PLA2G4C: variants seen among roughly 807,000 people sequenced by gnomAD.
The protein encoded by PLA2G4C is phospholipase A2 group IVC.
PLA2G4C carries 64 observed loss-of-function variants against 73.8 expected under a neutral mutation model. The ratio of observed to expected loss-of-function variants is 0.87; its 90% CI spans 0.71 to 1.07. The LOEUF (loss-of-function observed/expected upper bound fraction) is 1.07, where lower values mean the gene tolerates loss of function less well. PLA2G4C is among the 50% of genes least tolerant of loss of function. The pLI is 0.00. For missense variants in PLA2G4C, 622 were observed against 665.4 expected, an observed-to-expected ratio of 0.93 and a Z score of 0.72; for synonymous variants, 254 against 252.1, an observed-to-expected ratio of 1.01 and a Z score of -0.07.
chr19:48,106,262 T>G (rs998519306), intron 2 of PLA2G4C, among the ~76,000 whole-genome samples: 3 of 151,596 alleles, frequency 2.0e-5, no homozygotes, highest in Admixed American at 2.0e-4. Flanking sequence ...TTTAAAAATA[T>G]TTTCTTTTAT....
At chr19:48,061,026 C>T (rs1284899370) in intron 14 of PLA2G4C, among the ~76,000 whole-genome samples, 3 of 152,114 alleles carry the variant, frequency 2.0e-5, no homozygotes, top group South Asian at 2.1e-4. Flanking sequence ...CTGGGCAGGG[C>T]GGCTTGTGCC....
Position 48,095,499 on chromosome 19 carries a change from C to A in PLA2G4C, c.674G>T (p.Arg225Ile). 1 of 1,614,098 alleles carries A rather than the reference C, an allele frequency of 6.2e-7. No individual in the cohort carries two copies. The highest frequency in any genetic ancestry group is 1.1e-5 in the South Asian group (1 of 91,072). The change falls in exon 7 of 17, where the codon AGA becomes ATA. Residue 225 changes from arginine (R) to isoleucine (I), a missense_variant. By Grantham distance (97) the Arg-to-Ile change is moderately conservative. Transcript: ENST00000599921. ...AGTCAGGTCTCTCTCAGGGTGAGTT[C>A]TGACCAGTCTTCCCTTCTTGAATTT... ...GSKFKKGRLV[R>I]THPERDLTFL... is the part of the protein sequence containing the mutation.
At chr19:48,068,039 C>T (rs1179929741) in intron 12 of PLA2G4C, 153 bp from the exon 13 acceptor site, 1 of 644,252 alleles carries the variant, frequency 1.6e-6, no homozygotes, top group African/African-American at 1.8e-5. Context: ...CGCGTTGGCT[C>T]ACGCCAGTCA....
chr19:48,095,400 G>A, intron 7 of PLA2G4C, 64 bp downstream of exon 7: 2 of 1,519,200 alleles, frequency 1.3e-6, no homozygotes, highest in South Asian at 2.3e-5. Flanking sequence ...ACCCTCAGAA[G>A]GAAAATTCTT....
intron 12 of PLA2G4C, among the ~76,000 whole-genome samples, chr19:48,068,798 A>AG (rs766088652): frequency 1.3e-5 from 2 of 151,916 alleles, no homozygotes; most frequent in Non-Finnish European, 2.9e-5. Context: ...CACTGAGGAA[A>AG]GGCTGGGCTG....
intron 13 of PLA2G4C, chr19:48,064,877 A>G (rs1170176124): frequency 6.6e-6 from 1 of 152,226 alleles, no homozygotes; most frequent in Non-Finnish European, 1.5e-5. Context: ...AACTCACCCC[A>G]CAGACAACTT....
At chr19:48,057,483 C>CTTTTTTTT (rs1171271257) in intron 14 of PLA2G4C, among the ~76,000 whole-genome samples, 6 of 17,926 alleles carry the variant, frequency 3.3e-4, no homozygotes, top group Non-Finnish European at 5.4e-4. Flanking sequence ...TCTTCTTCTT[C>CTTTTTTTT]TTTTTTTTTT....
At chr19:48,095,194 G>A (rs1329935310) in intron 7 of PLA2G4C, among the ~76,000 whole-genome samples, 1 of 152,086 alleles carries the variant, frequency 6.6e-6, no homozygotes, top group Non-Finnish European at 1.5e-5. Context: ...CTTATTGGAA[G>A]CCACAGCCCT....
chr19:48,072,060 C>T lies in PLA2G4C; in HGVS notation c.1006+2707G>A, dbSNP rs1044157716. Among the ~76,000 whole-genome samples the T allele has an allele frequency of 8.6e-5, 13 of 151,680 alleles. No individual in the cohort carries two copies. The highest frequency in any genetic ancestry group is 4.2e-4 in the South Asian group (2 of 4,786). On this transcript the variant is annotated intron_variant, in intron 12 of 16. Transcript: ENST00000599921. This position sits in a 1 kb window ranked among gnomAD's most constrained non-coding sequence, Gnocchi z 4.4. ...ACTCGGGAGGCTGAGGCAGGAGAATCGCTTGAACCCGGGAGGCAGAGGTTG... is the reference window on the plus strand; with the variant it reads ...ACTCGGGAGGCTGAGGCAGGAGAATTGCTTGAACCCGGGAGGCAGAGGTTG...
chr19:48,095,628 G>A (rs1258061928), intron 6 of PLA2G4C, 24 bp from the exon 7 acceptor site: 11 of 1,613,108 alleles, frequency 6.8e-6, no homozygotes, highest in South Asian at 1.1e-5. Context: ...ACAACGGCAA[G>A]TGAGTCCCAG....
chr19:48,076,733 ACT>A (rs112685081), intron 11 of PLA2G4C, among the ~76,000 whole-genome samples: 2,961 of 149,606 alleles, frequency 0.02, 98 homozygotes, highest in African/African-American at 0.068. Context: ...ACACGGCTAG[ACT>A]CTGTCTCCAA....
chr19:48,100,629 G>C (rs1026439747), intron 4 of PLA2G4C, among the ~76,000 whole-genome samples: 9 of 75,710 alleles, frequency 1.2e-4, no homozygotes, highest in African/African-American at 2.3e-4. Context: ...AAAAAAAAAA[G>C]CTGGGCGTGG....
intron 13 of PLA2G4C, chr19:48,063,912 A>G (rs1476685146): frequency 1.3e-5 from 2 of 152,142 alleles, no homozygotes; most frequent in South Asian, 4.1e-4. Context: ...CTCATACAAG[A>G]AAGAATTCAG....
intron 14 of PLA2G4C, among the ~76,000 whole-genome samples, chr19:48,056,023 C>G (rs1027940016): frequency 6.6e-6 from 1 of 152,018 alleles, no homozygotes; most frequent in African/African-American, 2.4e-5. Context: ...AAGGTGACAC[C>G]ATGGGGAAAC....
In PLA2G4C at chr19:48,106,512, G is replaced by A. The variant is rs1052773437; in HGVS notation, c.8+10C>T. The A allele has an allele frequency of 1.2e-6, 2 of 1,604,684 alleles. No homozygotes were observed. The highest frequency in any genetic ancestry group is 2.7e-5 in the African/African-American group (2 of 74,726). On this transcript the variant is annotated intron_variant, in intron 2 of 16. Coordinates refer to ENST00000599921, the MANE Select transcript of PLA2G4C (RefSeq NM_003706.3). The stretch of plus-strand genomic sequence containing the variant: ...GCTTCCCCATAGTGGTCAGCTCTAA[G>A]AGGACTTACCTTCCCATGGTGCACT...
intron 10 of PLA2G4C, among the ~76,000 whole-genome samples, chr19:48,080,242 AT>A (rs2030455842): frequency 6.6e-6 from 1 of 152,180 alleles, no homozygotes; most frequent in African/African-American, 2.4e-5. Context: ...AGCATCACTA[AT>A]CATTAAAGAA....
chr19:48,085,061 AAAAT>A lies in PLA2G4C; in HGVS notation c.838_841del (p.Ile280LeufsTer5). The A allele has an allele frequency of 6.2e-7, 1 of 1,608,520 alleles. No homozygotes were observed. The highest frequency in any genetic ancestry group is 8.5e-7 in the Non-Finnish European group (1 of 1,174,886). Reference sequence around the variant, plus strand: ...CTTTCTGTTCCCCAAATACTCACCAAAAATAAGGTGTCCAATGCTTTTAGCATTA... The same window carrying A: ...CTTTCTGTTCCCCAAATACTCACCAAAAGGTGTCCAATGCTTTTAGCATTA... On this transcript the variant is annotated frameshift_variant, in exon 10 of 17. Coordinates refer to ENST00000599921, the MANE Select transcript of PLA2G4C (RefSeq NM_003706.3). LOFTEE classifies it high-confidence loss of function.
At position 48,095,608 on chromosome 19, in the gene PLA2G4C, C is replaced by A. The variant is rs1222025405; in HGVS notation, c.569-4G>T. On this transcript the variant is annotated splice_polypyrimidine_tract_variant and splice_region_variant and intron_variant, in intron 6 of 16. Coordinates refer to ENST00000599921, the MANE Select transcript of PLA2G4C (RefSeq NM_003706.3). Reference sequence around the variant, plus strand: ...GGGGTGAACTCGAACCAGGTCTCTGCAGAGGAAATACAACGGCAAGTGAGT... The same window carrying A: ...GGGGTGAACTCGAACCAGGTCTCTGAAGAGGAAATACAACGGCAAGTGAGT... 6.2e-7 allele frequency: 1 copy of A among 1,613,950 alleles called. No individual in the cohort carries two copies. The highest frequency in any genetic ancestry group is 1.1e-5 in the South Asian group (1 of 91,074).
chr19:48,106,619 G>A, intron 1 of PLA2G4C, 58 bp from the exon 2 acceptor site: 1 of 1,394,450 alleles, frequency 7.2e-7, no homozygotes, highest in Non-Finnish European at 1.0e-6. Flanking sequence ...AGCAAAGACA[G>A]TGGGGGAGGG....
Sources: allele counts gnomAD v4.1 joint callset (sites outside exome capture counted in the v4.1 genomes callset), GRCh38; gene constraint gnomAD v4.1.1; non-coding constraint Gnocchi (gnomAD v3.1); transcripts MANE v1.5; gene names NCBI Gene and HGNC (gene_info 2026-07-23, HGNC 2026-07-21).